Variants in INPP4B observed in about 807,000 individuals in gnomAD.
INPP4B encodes inositol polyphosphate-4-phosphatase type II B.
In INPP4B, 55 loss-of-function variants were observed where a neutral mutation model predicts 122.5. The observed-to-expected ratio is 0.45, with a 90% CI of 0.36 to 0.56. INPP4B has a LOEUF of 0.56. Ranked by LOEUF, INPP4B falls within the 20% of genes least tolerant of loss-of-function variation. The pLI is 0.00. For synonymous variants in INPP4B, 403 were observed against 388.7 expected (o/e 1.04, Z -0.43); for missense variants, 1,000 against 1,097.7 (o/e 0.91, Z 1.26).
chr4:142,103,451 T>A (rs892894490), intron 23 of INPP4B, among the ~76,000 whole-genome samples: 10 of 152,130 alleles, frequency 6.6e-5, no homozygotes, highest in Non-Finnish European at 1.3e-4. Context: ...GATGATGTTT[T>A]ATTTTTCCTG....
chr4:142,499,582 T>C lies in INPP4B; in HGVS notation c.-190-36856A>G, dbSNP rs145248641. On this transcript the variant is annotated intron_variant, in intron 2 of 25. Transcript: ENST00000262992. Reference sequence around the variant, plus strand: ...TTCTTGTGATTACATTTACAAACTATTTTTTTGTCTAAGACATACTGAACA... The same window carrying C: ...TTCTTGTGATTACATTTACAAACTACTTTTTTGTCTAAGACATACTGAACA... Among the ~76,000 whole-genome samples, 680 of 152,274 alleles carry C rather than the reference T, an allele frequency of 4.5e-3. 4 individuals carry two copies. The highest frequency in any genetic ancestry group is 0.016 in the African/African-American group (653 of 41,566).
At chr4:142,228,962 C>G (rs1018713522) in intron 12 of INPP4B, among the ~76,000 whole-genome samples, 37 of 151,540 alleles carry the variant, frequency 2.4e-4, no homozygotes, top group Admixed American at 4.6e-4. Flanking sequence ...TAAGTTTTGC[C>G]TATGTAATTG....
intron 2 of INPP4B, among the ~76,000 whole-genome samples, chr4:142,598,526 G>A (rs2150284182): frequency 6.6e-6 from 1 of 152,216 alleles, no homozygotes; most frequent in Non-Finnish European, 1.5e-5. Context: ...GGACTACAGT[G>A]GCACAGCACT....
chr4:142,030,653 T>C (rs1034381540), intron 25 of INPP4B, among the ~76,000 whole-genome samples: 14 of 152,158 alleles, frequency 9.2e-5, no homozygotes, highest in Non-Finnish European at 5.9e-5. Context: ...AAACATGGAT[T>C]AGCTCATGAA....
At chr4:142,747,952 C>T (rs1322608587) in intron 1 of INPP4B, among the ~76,000 whole-genome samples, 1 of 151,984 alleles carries the variant, frequency 6.6e-6, no homozygotes, top group African/African-American at 2.4e-5. Context: ...AGCAAACCAC[C>T]ATGGCACGTG....
At chr4:142,045,311 ACTGT>A (rs1279941596) in intron 25 of INPP4B, among the ~76,000 whole-genome samples, 1 of 152,144 alleles carries the variant, frequency 6.6e-6, no homozygotes, top group Non-Finnish European at 1.5e-5. Context: ...AACACCAGTG[ACTGT>A]CAAAACGATT....
intron 10 of INPP4B, among the ~76,000 whole-genome samples, chr4:142,266,970 T>TA (rs891570605): frequency 1.2e-4 from 18 of 152,204 alleles, no homozygotes; most frequent in African/African-American, 3.6e-4. Flanking sequence ...CCATTCACTT[T>TA]AAAAAAATAC....
intron 7 of INPP4B, among the ~76,000 whole-genome samples, chr4:142,338,961 G>A (rs1042660897): frequency 5.9e-5 from 9 of 151,944 alleles, no homozygotes; most frequent in African/African-American, 2.2e-4. Flanking sequence ...GTCCAGGAGG[G>A]GAGAACGGAG....
At chr4:142,143,807 C>G (rs1809147955) in intron 18 of INPP4B, among the ~76,000 whole-genome samples, 1 of 151,840 alleles carries the variant, frequency 6.6e-6, no homozygotes. Flanking sequence ...AAAATAATGG[C>G]TTCTATTTTG....
intron 2 of INPP4B, among the ~76,000 whole-genome samples, chr4:142,568,994 T>C (rs535160989): frequency 1.4e-4 from 21 of 152,296 alleles, no homozygotes; most frequent in African/African-American, 4.6e-4. Context: ...AACATTGTGA[T>C]GTTTACCTAA....
intron 5 of INPP4B, among the ~76,000 whole-genome samples, chr4:142,407,880 T>C (rs1261337559): frequency 6.6e-6 from 1 of 152,152 alleles, no homozygotes; most frequent in African/African-American, 2.4e-5. Context: ...TTTTTATAAA[T>C]GGACTTTTCT....
chr4:142,505,037 C>A (rs899156094), intron 2 of INPP4B, among the ~76,000 whole-genome samples: 5 of 151,804 alleles, frequency 3.3e-5, no homozygotes, highest in Admixed American at 1.3e-4. Flanking sequence ...TTATTTGAGA[C>A]CAGTCTGGAC....
intron 24 of INPP4B, among the ~76,000 whole-genome samples, chr4:142,083,794 T>C (rs562590672): frequency 2.9e-4 from 44 of 152,112 alleles, no homozygotes; most frequent in Non-Finnish European, 5.6e-4. Context: ...AAATAAATAG[T>C]ATTTCATTTT....
intron 2 of INPP4B, among the ~76,000 whole-genome samples, chr4:142,520,239 C>CAAAT (rs1560750328): frequency 6.6e-6 from 1 of 151,578 alleles, no homozygotes; most frequent in Admixed American, 6.6e-5. Context: ...ATAATTTTAC[C>CAAAT]AAATACAAAA....
chr4:142,597,941 A>C lies in INPP4B; in HGVS notation c.-191+127898T>G, dbSNP rs538935322. 5.4e-4 allele frequency among the ~76,000 whole-genome samples: 83 copies of C among 152,330 alleles called. 1 individual carries two copies. The highest frequency in any genetic ancestry group is 1.9e-3 in the African/African-American group (81 of 41,584). Reference sequence around the variant, plus strand: ...AAAAAACAAAACAAAACAAACAAAAAAATGAAGACAGTCTTCCTGCATCAA... The same window carrying C: ...AAAAAACAAAACAAAACAAACAAAACAATGAAGACAGTCTTCCTGCATCAA... On this transcript the variant is annotated intron_variant, in intron 2 of 25. Coordinates refer to ENST00000262992, the MANE Select transcript of INPP4B (RefSeq NM_001101669.3).
intron 7 of INPP4B, among the ~76,000 whole-genome samples, chr4:142,331,428 C>G (rs775950835): frequency 3.3e-5 from 5 of 152,142 alleles, no homozygotes; most frequent in Non-Finnish European, 5.9e-5. Context: ...TACTGTGAAC[C>G]TGGCTGCAAC....
At chr4:142,253,117 A>G (rs1278550687) in intron 11 of INPP4B, among the ~76,000 whole-genome samples, 1 of 152,224 alleles carries the variant, frequency 6.6e-6, no homozygotes, top group Non-Finnish European at 1.5e-5. Flanking sequence ...GAAAAGGTAC[A>G]GTAAAAATAT....
At chr4:142,491,414 G>C (rs1288770593) in intron 2 of INPP4B, among the ~76,000 whole-genome samples, 4 of 152,184 alleles carry the variant, frequency 2.6e-5, no homozygotes, top group African/African-American at 7.2e-5. Context: ...AGCACTTTAA[G>C]AGGCCAAGGC....
intron 1 of INPP4B, among the ~76,000 whole-genome samples, chr4:142,796,365 C>T (rs899335471): frequency 2.0e-5 from 3 of 151,810 alleles, no homozygotes; most frequent in Non-Finnish European, 2.9e-5. Context: ...ATCGAGGGTT[C>T]GGCAGTCAAA....
Sources: gnomAD v4.1 joint callset for allele counts (sites outside exome capture counted in the v4.1 genomes callset) on GRCh38, gnomAD v4.1.1 for gene constraint, MANE v1.5 for transcripts, NCBI Gene and HGNC (gene_info 2026-07-23, HGNC 2026-07-21) for gene names.